The following MMS22L variants were observed in gnomAD, a reference collection of about 807,000 sequenced individuals.
The protein encoded by MMS22L is protein MMS22-like.
Under a neutral mutation model 159.1 loss-of-function variants are expected in MMS22L, and 74 were observed. That is an observed-to-expected ratio of 0.47 (90% CI 0.39 to 0.56). The LOEUF is 0.56. Ranked by LOEUF, MMS22L falls within the 20% of genes least tolerant of loss-of-function variation. MMS22L has a pLI of 0.00. For synonymous variants in MMS22L, 517 were observed against 506.9 expected (o/e 1.02, Z -0.27); for missense variants, 1,351 against 1,422.1 (o/e 0.95, Z 0.80).
In MMS22L at chr6:97,229,344, T is replaced by C; in HGVS notation, c.1589A>G (p.Asn530Ser). ...MEELTEVGLQ[N>S]FFSLFLLLAA... ...TAACAGTAGAAAAAGGCTAAAAAAG[T>C]TCTGTAGACCAACTTCAGTTAGTTC... The change falls in exon 14 of 25, where the codon AAC becomes AGC. Residue 530 changes from asparagine to serine, a missense_variant. Asn to Ser is a conservative substitution (Grantham distance 46). Coordinates refer to ENST00000683635, the MANE Select transcript of MMS22L (RefSeq NM_001350599.2). 1 of 1,610,840 alleles carries C rather than the reference T, an allele frequency of 6.2e-7. No homozygotes were observed. Among genetic ancestry groups the C allele is most frequent in the Non-Finnish European group, 8.5e-7 (1 of 1,178,464 alleles).
At chr6:97,210,424 C>T (rs1370564287) in intron 14 of MMS22L, among the ~76,000 whole-genome samples, 1 of 151,716 alleles carries the variant, frequency 6.6e-6, no homozygotes, top group Non-Finnish European at 1.5e-5. Flanking sequence ...AAATAAATGC[C>T]ATAAAAAACA....
At chr6:97,193,133 G>A (rs1224856374) in intron 14 of MMS22L, among the ~76,000 whole-genome samples, 3 of 152,196 alleles carry the variant, frequency 2.0e-5, no homozygotes, top group Admixed American at 1.3e-4. Context: ...TGATATACCA[G>A]ATGCATACAT....
At chr6:97,201,697 C>CA (rs1011041412) in intron 14 of MMS22L, among the ~76,000 whole-genome samples, 2 of 152,188 alleles carry the variant, frequency 1.3e-5, no homozygotes, top group African/African-American at 4.8e-5. Context: ...CACAGTCTGA[C>CA]AAAATGCTTT....
chr6:97,185,841 G>A (rs1486785618), intron 15 of MMS22L, among the ~76,000 whole-genome samples: 1 of 151,968 alleles, frequency 6.6e-6, no homozygotes, highest in Admixed American at 6.6e-5. Context: ...ACTAATCACT[G>A]TCTATTCCAA....
chr6:97,157,425 T>C (rs1801973460), intron 22 of MMS22L, among the ~76,000 whole-genome samples: 1 of 152,230 alleles, frequency 6.6e-6, no homozygotes, highest in Non-Finnish European at 1.5e-5. Flanking sequence ...TTCCAGTTTT[T>C]GTCCATTCAG....
intron 11 of MMS22L, among the ~76,000 whole-genome samples, chr6:97,242,897 G>T (rs1048695766): frequency 6.6e-6 from 1 of 152,142 alleles, no homozygotes; most frequent in Non-Finnish European, 1.5e-5. Flanking sequence ...GGATGCCAAA[G>T]ATAGGACCCA....
At chr6:97,225,528 T>C (rs1459253018) in intron 14 of MMS22L, among the ~76,000 whole-genome samples, 1 of 151,960 alleles carries the variant, frequency 6.6e-6, no homozygotes, top group Non-Finnish European at 1.5e-5. Flanking sequence ...TTTGTATTTT[T>C]AGTAGTGACG....
In MMS22L at chr6:97,163,712, G is replaced by A. The variant is rs1307406712; in HGVS notation, c.3221+1534C>T. On this transcript the variant is annotated intron_variant, in intron 21 of 24. Coordinates refer to ENST00000683635, the MANE Select transcript of MMS22L (RefSeq NM_001350599.2). ...AATTCTGCAAATTGAGCTGTACAGG[G>A]CATATGATTTCAAAAAAGGAAACAT... is the stretch of plus-strand genomic sequence containing the variant. 2.6e-5 allele frequency among the ~76,000 whole-genome samples: 4 copies of A among 152,134 alleles called. No homozygotes were observed. In the East Asian group the frequency reaches 7.7e-4, roughly 29 times the overall value.
intron 12 of MMS22L, among the ~76,000 whole-genome samples, chr6:97,233,138 C>T (rs1811046064): frequency 6.6e-6 from 1 of 151,920 alleles, no homozygotes; most frequent in Admixed American, 6.6e-5. Context: ...CCTGAATAAA[C>T]CAGAATTAAC....
chr6:97,165,226 T>C lies in MMS22L; in HGVS notation c.3221+20A>G, dbSNP rs769928666. ...CTTAATAATTTGTACATACCACCTA[T>C]ATTTAATATTTAGATGTACCTTATG... On this transcript the variant is annotated intron_variant, in intron 21 of 24. Transcript: ENST00000683635. 7 of 1,592,554 alleles carry C rather than the reference T, an allele frequency of 4.4e-6. No individual in the cohort carries two copies. Among genetic ancestry groups the C allele is most frequent in the Non-Finnish European group, 5.2e-6 (6 of 1,161,494 alleles).
At chr6:97,274,372 C>T (rs1029876028) in intron 4 of MMS22L, among the ~76,000 whole-genome samples, 7 of 152,130 alleles carry the variant, frequency 4.6e-5, no homozygotes, top group African/African-American at 1.7e-4. Context: ...TCACAATTCT[C>T]GGCCCATTAA....
intron 14 of MMS22L, among the ~76,000 whole-genome samples, chr6:97,206,033 A>C (rs1237964257): frequency 6.6e-6 from 1 of 152,162 alleles, no homozygotes; most frequent in African/African-American, 2.4e-5. Context: ...AATTATAATA[A>C]TTCTGTAAAA....
intron 11 of MMS22L, among the ~76,000 whole-genome samples, chr6:97,245,748 C>G (rs917984985): frequency 5.9e-5 from 9 of 151,478 alleles, no homozygotes; most frequent in African/African-American, 2.2e-4. Context: ...CATATTATAA[C>G]TAAATGCCTT....
At chr6:97,240,490 G>C (rs1407046785) in intron 11 of MMS22L, among the ~76,000 whole-genome samples, 7 of 152,138 alleles carry the variant, frequency 4.6e-5, no homozygotes, top group Non-Finnish European at 4.4e-5. Context: ...CTGGTCACCT[G>C]ACCTACTTTT....
chr6:97,146,698 A>T lies in MMS22L; in HGVS notation c.*108T>A, dbSNP rs1800939251. On this transcript the variant is annotated 3_prime_UTR_variant, in exon 25 of 25. Coordinates refer to ENST00000683635, the MANE Select transcript of MMS22L (RefSeq NM_001350599.2). ...ATATAAAAGGAAAAAAAATCCTAGA[A>T]ATTATTTTAAACAGAACATTATACA... 1.4e-6 allele frequency: 1 copy of T among 717,292 alleles called. No individual in the cohort carries two copies. The highest frequency in any genetic ancestry group is 2.1e-6 in the Non-Finnish European group (1 of 472,556). 44.4% of individuals were successfully genotyped at this position (717,292 alleles called of 1,614,324 possible). A position where few individuals can be genotyped will look rare whatever the true frequency, so the allele number is the denominator to read the frequency against.
chr6:97,178,847 T>C (rs139918911), intron 17 of MMS22L, among the ~76,000 whole-genome samples: 1 of 152,130 alleles, frequency 6.6e-6, no homozygotes, highest in African/African-American at 2.4e-5. Flanking sequence ...AGGATTTTTT[T>C]CAGGCCAACC....
At chr6:97,224,817 G>C (rs969512410) in intron 14 of MMS22L, among the ~76,000 whole-genome samples, 4 of 151,648 alleles carry the variant, frequency 2.6e-5, no homozygotes, top group Admixed American at 2.6e-4. Context: ...CCATTCAGGT[G>C]ATGGTTACAC....
intron 10 of MMS22L, among the ~76,000 whole-genome samples, chr6:97,249,058 AAT>A (rs1812962553): frequency 1.3e-5 from 2 of 152,118 alleles, no homozygotes; most frequent in Admixed American, 6.5e-5. Context: ...AAAGAGCAAC[AAT>A]AGTCTCAGGC....
rs778934766 is a variant in MMS22L, at chr6:97,142,209, CA to C, written c.*4596del. On this transcript the variant is annotated 3_prime_UTR_variant, in exon 25 of 25. Transcript: ENST00000683635. ...ATTATATATAATTTTATCATATGCA[CA>C]AATAACTCATAAATATGTATATAAA... 1 of 151,618 alleles carries C rather than the reference CA, an allele frequency of 6.6e-6. No individual in the cohort carries two copies. The highest frequency in any genetic ancestry group is 1.5e-5 in the Non-Finnish European group (1 of 67,780). The allele number at this position is 151,618 out of a possible 1,614,324, so 9.4% of individuals were successfully genotyped here.
Sources: allele counts gnomAD v4.1 joint callset (sites outside exome capture counted in the v4.1 genomes callset), GRCh38; gene constraint gnomAD v4.1.1; transcripts MANE v1.5; gene names NCBI Gene and HGNC (gene_info 2026-07-23, HGNC 2026-07-21).